The following RPAP2 variants were observed in gnomAD, a reference collection of about 807,000 sequenced individuals.
RPAP2 encodes putative RNA polymerase II subunit B1 CTD phosphatase RPAP2.
In RPAP2, 52 loss-of-function variants were observed where a neutral mutation model predicts 73.1. The ratio of observed to expected loss-of-function variants is 0.71; its 90% CI spans 0.57 to 0.90. The LOEUF (loss-of-function observed/expected upper bound fraction) is 0.90. Ranked by LOEUF, RPAP2 falls within the 40% of genes least tolerant of loss-of-function variation. RPAP2 has a pLI of 0.00. For synonymous variants in RPAP2, 225 were observed against 242.1 expected (o/e 0.93, Z 0.65); for missense variants, 598 against 701.8 (o/e 0.85, Z 1.67).
intron 10 of RPAP2, among the ~76,000 whole-genome samples, chr1:92,337,175 T>C (rs2101250612): frequency 6.6e-6 from 1 of 152,222 alleles, no homozygotes; most frequent in East Asian, 1.9e-4. Flanking sequence ...GGTGGAAGAA[T>C]TAATTCATCC....
At chr1:92,366,439 G>C (rs990994748) in intron 11 of RPAP2, among the ~76,000 whole-genome samples, 2 of 152,152 alleles carry the variant, frequency 1.3e-5, no homozygotes, top group African/African-American at 4.8e-5. Flanking sequence ...AGTTACCTAT[G>C]CATGTGGCCC....
chr1:92,339,187 C>A (rs1571086765), intron 10 of RPAP2, among the ~76,000 whole-genome samples: 1 of 151,998 alleles, frequency 6.6e-6, no homozygotes, highest in Non-Finnish European at 1.5e-5. Context: ...TCAAAAGTTA[C>A]TAGAAACTTT....
chr1:92,316,188 A>G (rs1651893982), intron 6 of RPAP2, among the ~76,000 whole-genome samples: 1 of 152,192 alleles, frequency 6.6e-6, no homozygotes, highest in Non-Finnish European at 1.5e-5. Flanking sequence ...TGACAGAGCT[A>G]AAAGCGCCAT....
rs549702571 is a variant in RPAP2, at chr1:92,351,631, C to T, written c.1688+5717C>T. ...TGTGACCTCTGTCAGTATATTTGAG[C>T]CTGTAACACAAGAGGTCACTGTGCT... On this transcript the variant is annotated intron_variant, in intron 11 of 12. Coordinates refer to ENST00000610020, the MANE Select transcript of RPAP2 (RefSeq NM_024813.3). Among the ~76,000 whole-genome samples, 8 of 152,214 alleles carry T rather than the reference C, an allele frequency of 5.3e-5. No homozygotes were observed. The East Asian group carries it at 1.4e-3, about 26-fold the overall frequency.
intron 6 of RPAP2, among the ~76,000 whole-genome samples, chr1:92,314,874 G>A (rs1351476215): frequency 5.3e-5 from 8 of 151,478 alleles, no homozygotes; most frequent in South Asian, 2.1e-4. Flanking sequence ...GCAAAACCCC[G>A]TCTCTACTAA....
chr1:92,357,018 A>G (rs1006557295), intron 11 of RPAP2, among the ~76,000 whole-genome samples: 12 of 151,568 alleles, frequency 7.9e-5, no homozygotes, highest in African/African-American at 2.9e-4. Context: ...GTGAGCTGAG[A>G]TTGTGTCACT....
intron 11 of RPAP2, among the ~76,000 whole-genome samples, chr1:92,369,313 G>C (rs1314854921): frequency 6.6e-6 from 1 of 152,078 alleles, no homozygotes; most frequent in Non-Finnish European, 1.5e-5. Flanking sequence ...TTAGAGACAA[G>C]GTCTGTCTCG....
intron 11 of RPAP2, among the ~76,000 whole-genome samples, chr1:92,350,237 C>T (rs559766248): frequency 6.6e-6 from 1 of 152,314 alleles, no homozygotes; most frequent in Non-Finnish European, 1.5e-5. Flanking sequence ...AAGCACTATA[C>T]ATTTATGAAG....
intron 6 of RPAP2, among the ~76,000 whole-genome samples, 172 bp downstream of exon 6, chr1:92,307,448 A>T (rs758761687): frequency 5.3e-5 from 8 of 152,236 alleles, no homozygotes; most frequent in Non-Finnish European, 1.2e-4. Context: ...TTACACTTAA[A>T]ATCAGAAAAT....
chr1:92,335,673 T>C (rs571582228), intron 9 of RPAP2, among the ~76,000 whole-genome samples: 1 of 152,282 alleles, frequency 6.6e-6, no homozygotes, highest in African/African-American at 2.4e-5. Flanking sequence ...CATTTTTCAC[T>C]TCACATCTAT....
In RPAP2 at chr1:92,345,922, C is replaced by G; in HGVS notation, c.1688+8C>G. 1 of 1,575,816 alleles carries G rather than the reference C, an allele frequency of 6.3e-7. No homozygotes were observed. The highest frequency in any genetic ancestry group is 1.1e-5 in the South Asian group (1 of 89,426). On this transcript the variant is annotated splice_region_variant and intron_variant, in intron 11 of 12. Transcript: ENST00000610020. ...TATGGTGTTGCTGTCATTGTAAGTA[C>G]TCTCTCAGATTTTAACTCTAAATAC...
chr1:92,328,905 G>A (rs1226185517), intron 8 of RPAP2, among the ~76,000 whole-genome samples: 3 of 152,162 alleles, frequency 2.0e-5, no homozygotes, highest in Admixed American at 6.5e-5. Context: ...TGCAGTGATT[G>A]TTATTGTTCT....
chr1:92,323,805 A>T lies in RPAP2; in HGVS notation c.885A>T (p.Val295=). ...CATGTGAACTTCCTTTACAGAAAGT[A>T]AATACTCAGAGTTCTTCAAATAGCA... ...DATCELPLQK[V]NTQSSSNSTL... is the part of the protein sequence containing the mutation. The change falls in exon 8 of 13, where the codon GTA becomes GTT. Residue 295 remains valine, a synonymous_variant. Coordinates refer to ENST00000610020, the MANE Select transcript of RPAP2 (RefSeq NM_024813.3). 1 of 1,614,122 alleles carries T rather than the reference A, an allele frequency of 6.2e-7. No individual in the cohort carries two copies. Among genetic ancestry groups the T allele is most frequent in the Non-Finnish European group, 8.5e-7 (1 of 1,179,984 alleles).
In RPAP2 at chr1:92,375,990, ACT is replaced by A. The variant is rs200327695; in HGVS notation, c.1689-4731_1689-4730del. Among the ~76,000 whole-genome samples, 45 of 144,018 alleles carry A rather than the reference ACT, an allele frequency of 3.1e-4. 1 individual carries two copies. The East Asian group carries it at 7.9e-3, about 25-fold the overall frequency. 94.5% of individuals were successfully genotyped at this position (144,018 alleles called of 152,430 possible). Reference sequence around the variant, plus strand: ...ACTCCACCCTGGGTGACAGAGTGAGACTCTGTCTCAAAAAAAAAAAAAAAAAA... The same window carrying A: ...ACTCCACCCTGGGTGACAGAGTGAGACTGTCTCAAAAAAAAAAAAAAAAAA... On this transcript the variant is annotated intron_variant, in intron 11 of 12. Coordinates refer to ENST00000610020, the MANE Select transcript of RPAP2 (RefSeq NM_024813.3).
chr1:92,346,097 C>G, intron 11 of RPAP2, among the ~76,000 whole-genome samples, 183 bp downstream of exon 11: 1 of 151,600 alleles, frequency 6.6e-6, no homozygotes, highest in Middle Eastern at 3.4e-3. Flanking sequence ...TAATTATTCT[C>G]TATATTTTTT....
chr1:92,328,768 G>T (rs146600338), intron 8 of RPAP2, among the ~76,000 whole-genome samples: 137 of 152,202 alleles, frequency 9.0e-4, no homozygotes, highest in African/African-American at 3.1e-3. Flanking sequence ...TTCTCATTTG[G>T]GTAGACTGTG....
At chr1:92,310,015 A>T (rs896836664) in intron 6 of RPAP2, among the ~76,000 whole-genome samples, 3 of 152,156 alleles carry the variant, frequency 2.0e-5, no homozygotes, top group African/African-American at 7.2e-5. Context: ...ATTTAATCCA[A>T]CCCCTTCATT....
chr1:92,323,470 T>A lies in RPAP2; in HGVS notation c.550T>A (p.Leu184Ile). Residue 184 changes from leucine (L) to isoleucine (I), a missense_variant, in exon 8 of 13, where the codon TTA becomes ATA. Coordinates refer to ENST00000610020, the MANE Select transcript of RPAP2 (RefSeq NM_024813.3). ...TGGCCATTCTGGAGAAGAAGTACAGTTATGCAGTAAAGCCATTAAAACATC... is the reference window on the plus strand; with the variant it reads ...TGGCCATTCTGGAGAAGAAGTACAGATATGCAGTAAAGCCATTAAAACATC... ...QSGHSGEEVQLCSKAIKTSDI... is the reference protein window; with the variant it reads ...QSGHSGEEVQICSKAIKTSDI... 3.7e-6 allele frequency: 6 copies of A among 1,608,702 alleles called. No homozygotes were observed. The highest frequency in any genetic ancestry group is 5.1e-6 in the Non-Finnish European group (6 of 1,176,952).
Position 92,395,635 on chromosome 1 carries a change from C to CAAAAA in RPAP2, c.*8643_*8647dup. The CAAAAA allele has an allele frequency of 2.1e-5, 2 of 96,090 alleles. No individual in the cohort carries two copies. Among genetic ancestry groups the CAAAAA allele is most frequent in the Non-Finnish European group, 2.0e-5 (1 of 49,366 alleles). 6.0% of individuals were successfully genotyped at this position (96,090 alleles called of 1,614,324 possible). The stretch of plus-strand genomic sequence containing the variant: ...TGGGTGACAGAGTGAGACCCTGTCT[C>CAAAAA]AAAAAAAAAAAAAAAAAAAAAAATT... On this transcript the variant is annotated 3_prime_UTR_variant, in exon 13 of 13. Transcript: ENST00000610020.
Sources: gnomAD v4.1 joint callset for allele counts (sites outside exome capture counted in the v4.1 genomes callset) on GRCh38, gnomAD v4.1.1 for gene constraint, MANE v1.5 for transcripts, NCBI Gene and HGNC (gene_info 2026-07-23, HGNC 2026-07-21) for gene names.